MYO16: variants seen among roughly 807,000 people sequenced by gnomAD.
MYO16 encodes myosin XVI, also known as unconventional myosin-XVI.
A neutral mutation model predicts 205.3 loss-of-function variants in MYO16; 94 were observed. The ratio of observed to expected loss-of-function variants is 0.46; its 90% CI spans 0.39 to 0.54. MYO16 has a LOEUF of 0.54. Among genes scored for constraint, MYO16 ranks in the 20% least tolerant of loss-of-function variants. MYO16 has a pLI of 0.00. For missense variants in MYO16, 2,315 were observed against 2,387.5 expected (o/e 0.97, Z 0.63); for synonymous variants, 988 against 954.0 (o/e 1.04, Z -0.66).
At chr13:108,813,867 G>A (rs1054481158) in intron 7 of MYO16, among the ~76,000 whole-genome samples, 11 of 152,132 alleles carry the variant, frequency 7.2e-5, no homozygotes, top group African/African-American at 2.7e-4. Context: ...TAAAACAGAT[G>A]TTCCAGAGTA....
chr13:109,012,041 A>G (rs936407628), intron 22 of MYO16, among the ~76,000 whole-genome samples: 9 of 152,312 alleles, frequency 5.9e-5, no homozygotes, highest in African/African-American at 2.2e-4. Context: ...CACATTTAAA[A>G]GCACAGTGAG....
At chr13:108,596,542 A>G (rs1353457407) in intron 1 of MYO16, among the ~76,000 whole-genome samples, 2 of 152,240 alleles carry the variant, frequency 1.3e-5, no homozygotes, top group African/African-American at 2.4e-5. Flanking sequence ...AAGTTTTGAA[A>G]GACAGACAAA....
intron 1 of MYO16, among the ~76,000 whole-genome samples, chr13:108,634,485 C>T (rs1880133965): frequency 6.6e-6 from 1 of 152,096 alleles, no homozygotes; most frequent in Non-Finnish European, 1.5e-5. Flanking sequence ...CAAAAGTCCC[C>T]CCTTGTTCTC....
At chr13:109,011,068 A>G (rs1007319676) in intron 22 of MYO16, among the ~76,000 whole-genome samples, 1 of 150,976 alleles carries the variant, frequency 6.6e-6, no homozygotes, top group African/African-American at 2.4e-5. Flanking sequence ...CTTCCTGTTG[A>G]GCCAGCACTC....
At chr13:108,813,505 A>G in intron 7 of MYO16, among the ~76,000 whole-genome samples, 1 of 152,246 alleles carries the variant, frequency 6.6e-6, no homozygotes, top group Middle Eastern at 3.4e-3. Flanking sequence ...ACTCACTGCT[A>G]TATTTTAACT....
chr13:108,519,141 T>G, the MYO16 span, among the ~76,000 whole-genome samples: 1 of 152,226 alleles, frequency 6.6e-6, no homozygotes, highest in East Asian at 1.9e-4. Context: ...ACACATTTCT[T>G]GAGTCTGCAT....
rs948977521 is a variant in MYO16 at position 108,773,873 on chromosome 13, A to G, written c.508-11762A>G. ...TAAAATGCCATTAGATAGATAATTC[A>G]CACTTAAAATGTGATTATTCCAGCC... On this transcript the variant is annotated intron_variant, in intron 4 of 34. Transcript: ENST00000457511. 2.0e-5 allele frequency among the ~76,000 whole-genome samples: 3 copies of G among 152,156 alleles called. No individual in the cohort carries two copies. The East Asian group carries it at 5.8e-4, about 29-fold the overall frequency.
intron 6 of MYO16, among the ~76,000 whole-genome samples, chr13:108,797,432 G>A (rs1426647457): frequency 1.3e-5 from 2 of 151,990 alleles, no homozygotes; most frequent in Non-Finnish European, 2.9e-5. Context: ...AGAAGAGGAG[G>A]CTCCAGAAAT....
intron 1 of MYO16, among the ~76,000 whole-genome samples, chr13:108,663,626 C>T (rs1464277450): frequency 6.6e-6 from 1 of 152,050 alleles, no homozygotes; most frequent in Non-Finnish European, 1.5e-5. Context: ...CTCTACATTC[C>T]CTCTTGACAG....
intron 20 of MYO16, among the ~76,000 whole-genome samples, chr13:108,974,058 T>C (rs1347838823): frequency 6.6e-6 from 1 of 152,192 alleles, no homozygotes; most frequent in Non-Finnish European, 1.5e-5. Flanking sequence ...TGAGGTGAAT[T>C]AATCGGTTTA....
rs764973675 is a variant in MYO16, at chr13:109,140,732, T to G, written c.4520T>G (p.Leu1507Arg). 1 of 1,515,296 alleles carries G rather than the reference T, an allele frequency of 6.6e-7. No homozygotes were observed. Among genetic ancestry groups the G allele is most frequent in the South Asian group, 1.2e-5 (1 of 80,140 alleles). The allele number at this position is 1,515,296 out of a possible 1,614,324, so 93.9% of individuals were successfully genotyped here. A position where few individuals can be genotyped will look rare whatever the true frequency, so the allele number is the denominator to read the frequency against. ...GACATCCCGCCGCCCTTCCCCAACC[T>G]GCTGCCGCACCGGCCGCCCCTGCTG... ...ACDIPPPFPN[L>R]LPHRPPLLVF... The change falls in exon 32 of 35, where the codon CTG (leucine) becomes CGG (arginine). Residue 1507 changes from leucine (L) to arginine (R), a missense_variant. Leu to Arg is a moderately radical substitution (Grantham distance 102). Coordinates refer to ENST00000457511, the MANE Select transcript of MYO16 (RefSeq NM_001198950.3). This position sits in a 1 kb window ranked among gnomAD's most constrained non-coding sequence, Gnocchi z 8.0.
rs1407561103 is a variant in MYO16, at chr13:109,022,372, A to G, written c.2796+2461A>G. ...CAAATATATATGTATATATGTATGT[A>G]TTATATATACAAATATACATATATG... On this transcript the variant is annotated intron_variant, in intron 23 of 34. Coordinates refer to ENST00000457511, the MANE Select transcript of MYO16 (RefSeq NM_001198950.3). 1.8e-4 allele frequency among the ~76,000 whole-genome samples: 17 copies of G among 95,216 alleles called. 1 individual carries two copies. Among genetic ancestry groups the G allele is most frequent in the Non-Finnish European group, 2.6e-4 (14 of 53,958 alleles). 62.5% of individuals were successfully genotyped at this position (95,216 alleles called of 152,430 possible).
intron 16 of MYO16, among the ~76,000 whole-genome samples, chr13:108,957,110 G>A (rs1594424727): frequency 6.6e-6 from 1 of 152,140 alleles, no homozygotes; most frequent in African/African-American, 2.4e-5. Context: ...TCACGGCCAG[G>A]TGCGGTGGCT....
At position 109,042,985 on chromosome 13, in the gene MYO16, GT is replaced by G. The variant is rs528361523; in HGVS notation, c.2797-3924del. On this transcript the variant is annotated intron_variant, in intron 23 of 34. Coordinates refer to ENST00000457511, the MANE Select transcript of MYO16 (RefSeq NM_001198950.3). ...AGTGAATTGAAGTCTCCAAATGGGA[GT>G]TTTTTTACTTTAGTTTGAATGGAAG... 1.7e-4 allele frequency among the ~76,000 whole-genome samples: 26 copies of G among 152,282 alleles called. No homozygotes were observed. The East Asian group carries it at 5.0e-3, about 29-fold the overall frequency.
At chr13:108,509,712 G>T in the MYO16 span, among the ~76,000 whole-genome samples, 1 of 152,142 alleles carries the variant, frequency 6.6e-6, no homozygotes, top group Non-Finnish European at 1.5e-5. Context: ...ACGAGTTAAT[G>T]GGTGCAGCAT....
chr13:109,010,416 T>A (rs1198042888), intron 22 of MYO16, among the ~76,000 whole-genome samples: 1 of 152,152 alleles, frequency 6.6e-6, no homozygotes, highest in Admixed American at 6.5e-5. Flanking sequence ...TTGAAGACAA[T>A]ACAAATAATA....
At chr13:108,580,699 C>CA in the MYO16 span, among the ~76,000 whole-genome samples, 1 of 152,134 alleles carries the variant, frequency 6.6e-6, no homozygotes, top group African/African-American at 2.4e-5. Context: ...CACATCTCTA[C>CA]AGGTGGAAGT....
At chr13:108,803,099 A>T (rs577240932) in intron 6 of MYO16, among the ~76,000 whole-genome samples, 20 of 152,192 alleles carry the variant, frequency 1.3e-4, no homozygotes, top group Non-Finnish European at 2.8e-4. Flanking sequence ...AATAAATACA[A>T]AGTAATTTAA....
rs796419973 is a variant in MYO16, at chr13:108,745,689, T to TA, written c.507+18114dup. 2.0e-3 allele frequency among the ~76,000 whole-genome samples: 298 copies of TA among 151,508 alleles called. 1 individual carries two copies. Among genetic ancestry groups the TA allele is most frequent in the African/African-American group, 6.7e-3 (277 of 41,286 alleles). Reference sequence around the variant, plus strand: ...GCAAGGAAAACACAGTTTGAAGATATAAAAAAAACATCAGAACCAGTCACA... The same window carrying TA: ...GCAAGGAAAACACAGTTTGAAGATATAAAAAAAAACATCAGAACCAGTCACA... On this transcript the variant is annotated intron_variant, in intron 4 of 34. Coordinates refer to ENST00000457511, the MANE Select transcript of MYO16 (RefSeq NM_001198950.3).
Sources: allele counts gnomAD v4.1 joint callset (sites outside exome capture counted in the v4.1 genomes callset), GRCh38; gene constraint gnomAD v4.1.1; non-coding constraint Gnocchi (gnomAD v3.1); transcripts MANE v1.5; gene names NCBI Gene and HGNC (gene_info 2026-07-23, HGNC 2026-07-21).